The following NEK1 variants were observed in gnomAD, a reference collection of about 807,000 sequenced individuals.
The protein encoded by NEK1 is serine/threonine-protein kinase Nek1.
In NEK1, 137 loss-of-function variants were observed where a neutral mutation model predicts 182.1. The ratio of observed to expected loss-of-function variants is 0.75; its 90% CI spans 0.65 to 0.87. The LOEUF is 0.87. Ranked by LOEUF, NEK1 falls within the 40% of genes least tolerant of loss-of-function variation. The probability of loss-of-function intolerance (pLI) is 0.00; values close to 1 mark genes in which losing one functional copy is unlikely to be tolerated. For synonymous variants in NEK1, 513 were observed against 492.2 expected (o/e 1.04, Z -0.56); for missense variants, 1,391 against 1,494.4 (o/e 0.93, Z 1.14).
At chr4:169,478,332 A>T (rs780850482) in intron 24 of NEK1, 1 of 152,106 alleles carries the variant, frequency 6.6e-6, no homozygotes, top group Non-Finnish European at 1.5e-5. Flanking sequence ...ATATGAAGCA[A>T]TGAGACAAAG....
chr4:169,437,613 G>A (rs186152764), intron 28 of NEK1, among the ~76,000 whole-genome samples: 5 of 152,106 alleles, frequency 3.3e-5, no homozygotes, highest in Non-Finnish European at 5.9e-5. Context: ...TAGCATCTGT[G>A]AGCCCCGGGC....
intron 16 of NEK1, among the ~76,000 whole-genome samples, chr4:169,561,265 A>C (rs1762857940): frequency 6.6e-6 from 1 of 152,252 alleles, no homozygotes; most frequent in Non-Finnish European, 1.5e-5. Flanking sequence ...AAACTTTTAA[A>C]GCAATTTTGA....
intron 5 of NEK1, among the ~76,000 whole-genome samples, chr4:169,592,514 A>G (rs1768692522): frequency 6.6e-6 from 1 of 152,142 alleles, no homozygotes; most frequent in Admixed American, 6.5e-5. Context: ...ACCTGAATCT[A>G]TGTAATTGTG....
At chr4:169,591,272 G>C (rs923016300) in intron 5 of NEK1, among the ~76,000 whole-genome samples, 4 of 151,788 alleles carry the variant, frequency 2.6e-5, no homozygotes, top group Admixed American at 2.6e-4. Context: ...CAGCCTCCGA[G>C]GGACTAGGAC....
chr4:169,570,417 G>T (rs1384214093), intron 12 of NEK1, among the ~76,000 whole-genome samples: 5 of 151,030 alleles, frequency 3.3e-5, no homozygotes, highest in Non-Finnish European at 5.9e-5. Context: ...TGGGGGGTCA[G>T]CCCCCCACCA....
chr4:169,448,366 G>C (rs1740992909), intron 27 of NEK1, among the ~76,000 whole-genome samples: 1 of 152,044 alleles, frequency 6.6e-6, no homozygotes, highest in African/African-American at 2.4e-5. Flanking sequence ...TGCAATCACT[G>C]TTGTCATCAG....
intron 23 of NEK1, among the ~76,000 whole-genome samples, chr4:169,503,735 A>C (rs1477899503): frequency 2.0e-5 from 3 of 152,150 alleles, no homozygotes; most frequent in Non-Finnish European, 4.4e-5. Context: ...TGTATTAAAG[A>C]CTTAAATCTG....
chr4:169,499,111 T>G (rs941798994), intron 23 of NEK1, among the ~76,000 whole-genome samples: 1 of 152,200 alleles, frequency 6.6e-6, no homozygotes, highest in Non-Finnish European at 1.5e-5. Flanking sequence ...TTTCTTTTTA[T>G]TCTTTTTTCT....
Position 169,426,227 on chromosome 4 carries a change from C to T in NEK1, c.2893G>A (p.Asp965Asn). 6.2e-7 allele frequency: 1 copy of T among 1,612,824 alleles called. No individual in the cohort carries two copies. The highest frequency in any genetic ancestry group is 8.5e-7 in the Non-Finnish European group (1 of 1,179,420). The change falls in exon 30 of 36, where the codon GAT becomes AAT. Residue 965 changes from aspartate to asparagine, a missense_variant. This residue lies in a region of NEK1 where 1,216 missense variants were observed against 1,277.6 expected (regional missense o/e 0.95). Coordinates refer to ENST00000507142, the MANE Select transcript of NEK1 (RefSeq NM_001199397.3). ...EKETKETQSA[D>N]RITIQENEVS... ...TCATTTTCCTGAATGGTGATCCTAT[C>T]TGCCGACCTGCCACAGATGGGTACA...
intron 5 of NEK1, among the ~76,000 whole-genome samples, chr4:169,591,470 C>A (rs990106391): frequency 1.3e-5 from 2 of 151,946 alleles, no homozygotes; most frequent in Non-Finnish European, 2.9e-5. Flanking sequence ...CTGCATCTGA[C>A]CTCTATAATG....
At position 169,398,734 on chromosome 4, in the gene NEK1, A is replaced by C. The variant is rs535347579; in HGVS notation, c.3847+1491T>G. ...TCTCTCTTACTATATACATATATAT[A>C]TTTCAATGCAATCTTAGACTTTTTT... On this transcript the variant is annotated intron_variant, in intron 35 of 35. Coordinates refer to ENST00000507142, the MANE Select transcript of NEK1 (RefSeq NM_001199397.3). Among the ~76,000 whole-genome samples, 360 of 152,238 alleles carry C rather than the reference A, an allele frequency of 2.4e-3. 1 individual carries two copies. The highest frequency in any genetic ancestry group is 0.01 in the Middle Eastern group (3 of 294).
At chr4:169,420,188 T>C (rs1364305494) in intron 31 of NEK1, among the ~76,000 whole-genome samples, 1 of 152,206 alleles carries the variant, frequency 6.6e-6, no homozygotes, top group Non-Finnish European at 1.5e-5. Flanking sequence ...AACATCACTG[T>C]CTTCCACCTC....
At chr4:169,425,020 C>A (rs1461209053) in intron 30 of NEK1, among the ~76,000 whole-genome samples, 1 of 152,124 alleles carries the variant, frequency 6.6e-6, no homozygotes, top group Non-Finnish European at 1.5e-5. Context: ...TATGTACTTT[C>A]ATTATATTGA....
intron 2 of NEK1, among the ~76,000 whole-genome samples, chr4:169,609,427 G>A (rs922135693): frequency 1.3e-5 from 2 of 152,180 alleles, no homozygotes; most frequent in Non-Finnish European, 2.9e-5. Flanking sequence ...GTTTCTAATA[G>A]AGCAAAATGT....
intron 33 of NEK1, 44 bp downstream of exon 33, chr4:169,401,608 T>C (rs1731697276): frequency 1.9e-6 from 3 of 1,555,610 alleles, no homozygotes; most frequent in South Asian, 2.3e-5. Flanking sequence ...CTTGAAATAT[T>C]TGTAAACTGA....
intron 21 of NEK1, 62 bp downstream of exon 21, chr4:169,508,186 T>C: frequency 7.1e-7 from 1 of 1,402,140 alleles, no homozygotes; most frequent in Non-Finnish European, 9.7e-7. Flanking sequence ...GGCACAGCAT[T>C]TTAAATGTTA....
intron 27 of NEK1, among the ~76,000 whole-genome samples, chr4:169,460,483 C>T (rs1387561065): frequency 2.0e-5 from 3 of 151,962 alleles, no homozygotes; most frequent in Admixed American, 6.6e-5. Context: ...TCTCATAACA[C>T]GTGGGAATCA....
chr4:169,464,306 C>T (rs770905463), intron 26 of NEK1, among the ~76,000 whole-genome samples: 13 of 152,114 alleles, frequency 8.5e-5, no homozygotes, highest in African/African-American at 2.4e-4. Context: ...TCTCCACCCA[C>T]GAAACTGGAT....
intron 27 of NEK1, among the ~76,000 whole-genome samples, chr4:169,439,812 A>T (rs1300450672): frequency 6.6e-6 from 1 of 151,912 alleles, no homozygotes; most frequent in East Asian, 1.9e-4. Flanking sequence ...TATAGAAAGA[A>T]ATAGGGGAAG....
Sources: gnomAD v4.1 joint callset for allele counts (sites outside exome capture counted in the v4.1 genomes callset) on GRCh38, gnomAD v4.1.1 for gene constraint, gnomAD v4.1.1 regional missense constraint, MANE v1.5 for transcripts, NCBI Gene and HGNC (gene_info 2026-07-23, HGNC 2026-07-21) for gene names.